ATRNL1: variants seen among roughly 807,000 people sequenced by gnomAD.
ATRNL1 encodes attractin like 1, also known as attractin-like protein 1.
In ATRNL1, 95 loss-of-function variants were observed where a neutral mutation model predicts 182.7. The ratio of observed to expected loss-of-function variants is 0.52; its 90% CI spans 0.44 to 0.62. The LOEUF (loss-of-function observed/expected upper bound fraction) is 0.62. ATRNL1 is among the 20% of genes least tolerant of loss of function. ATRNL1 has a pLI of 0.00. For synonymous variants in ATRNL1, 576 were observed against 568.3 expected (o/e 1.01, Z -0.19); for missense variants, 1,471 against 1,679.5 (o/e 0.88, Z 2.17).
chr10:115,901,371 T>G (rs1952346296), intron 28 of ATRNL1, among the ~76,000 whole-genome samples: 1 of 152,188 alleles, frequency 6.6e-6, no homozygotes, highest in African/African-American at 2.4e-5. Flanking sequence ...AAGTCTATTT[T>G]GATTAAAAAG....
At chr10:115,387,491 G>A (rs1858431421) in intron 19 of ATRNL1, among the ~76,000 whole-genome samples, 1 of 152,130 alleles carries the variant, frequency 6.6e-6, no homozygotes, top group East Asian at 1.9e-4. Context: ...AAATTATTAT[G>A]AAATCCACAA....
At chr10:115,864,511 G>C (rs1555104222) in intron 28 of ATRNL1, among the ~76,000 whole-genome samples, 2 of 152,090 alleles carry the variant, frequency 1.3e-5, no homozygotes, top group Non-Finnish European at 2.9e-5. Flanking sequence ...GATTACAAAG[G>C]GGAAAGCAGT....
chr10:115,675,290 A>C (rs1225559743), intron 26 of ATRNL1, among the ~76,000 whole-genome samples: 1 of 152,098 alleles, frequency 6.6e-6, no homozygotes, highest in Non-Finnish European at 1.5e-5. Flanking sequence ...TGAGCCCAGG[A>C]GTTTAAGGTT....
chr10:115,127,833 G>C, intron 4 of ATRNL1, 112 bp downstream of exon 4: 2 of 722,820 alleles, frequency 2.8e-6, no homozygotes, highest in Non-Finnish European at 4.0e-6. Context: ...AGGCTACCGT[G>C]TTAAATTTCA....
chr10:115,831,112 T>G (rs1211053092), intron 27 of ATRNL1, among the ~76,000 whole-genome samples: 1 of 152,172 alleles, frequency 6.6e-6, no homozygotes, highest in Non-Finnish European at 1.5e-5. Flanking sequence ...TGCTCCCACC[T>G]GCCCTTGTTC....
intron 26 of ATRNL1, among the ~76,000 whole-genome samples, chr10:115,685,347 C>A (rs782267058): frequency 6.6e-6 from 1 of 151,700 alleles, no homozygotes; most frequent in Non-Finnish European, 1.5e-5. Context: ...AGTTATTTAG[C>A]CTCTTTATGA....
chr10:115,898,281 C>T (rs1589663536), intron 28 of ATRNL1, among the ~76,000 whole-genome samples: 1 of 152,306 alleles, frequency 6.6e-6, no homozygotes. Context: ...TGTCTATTCA[C>T]TTCCTTTTCC....
intron 26 of ATRNL1, among the ~76,000 whole-genome samples, chr10:115,590,948 G>A (rs1341872813): frequency 1.3e-5 from 2 of 152,102 alleles, no homozygotes; most frequent in African/African-American, 2.4e-5. Context: ...CTTGGCTCTG[G>A]CCTCTGGCAA....
rs141273771 is a variant in ATRNL1, at chr10:115,463,946, A to G, written c.3417+1911A>G. ...CTGACTCAAAATGTGAGAGTGAATAATATTCCTCCACAGTATTGTCCATAG... is the reference window on the plus strand; with the variant it reads ...CTGACTCAAAATGTGAGAGTGAATAGTATTCCTCCACAGTATTGTCCATAG... On this transcript the variant is annotated intron_variant, in intron 22 of 28. Coordinates refer to ENST00000355044, the MANE Select transcript of ATRNL1 (RefSeq NM_207303.4). 7.4e-3 allele frequency among the ~76,000 whole-genome samples: 1,130 copies of G among 152,174 alleles called. 4 individuals are homozygous for G. The highest frequency in any genetic ancestry group is 0.017 in the Middle Eastern group (5 of 294).
At chr10:115,506,920 A>G (rs1376237737) in intron 24 of ATRNL1, among the ~76,000 whole-genome samples, 2 of 152,108 alleles carry the variant, frequency 1.3e-5, no homozygotes, top group African/African-American at 4.8e-5. Flanking sequence ...TTTATTTGCC[A>G]AGGTTGAGGA....
At chr10:115,613,435 T>A (rs1258476431) in intron 26 of ATRNL1, among the ~76,000 whole-genome samples, 1 of 152,206 alleles carries the variant, frequency 6.6e-6, no homozygotes, top group Non-Finnish European at 1.5e-5. Flanking sequence ...TTGCTAGTAT[T>A]TCTGTTGATT....
rs535409304 is a variant in ATRNL1 at position 115,109,217 on chromosome 10, C to T, written c.294-10968C>T. Among the ~76,000 whole-genome samples the T allele has an allele frequency of 3.0e-4, 46 of 152,196 alleles. No individual in the cohort carries two copies. The South Asian group carries it at 3.5e-3, about 12-fold the overall frequency. On this transcript the variant is annotated intron_variant, in intron 1 of 28. Transcript: ENST00000355044. ...TATTGCTGAGTTTCAAAGTGGCTTC[C>T]CTATTTTCAGATATTTGATAAAGCA...
intron 26 of ATRNL1, among the ~76,000 whole-genome samples, chr10:115,648,227 C>T (rs964434465): frequency 5.9e-5 from 9 of 152,062 alleles, no homozygotes; most frequent in Non-Finnish European, 1.2e-4. Context: ...GAATAAAATA[C>T]CTAGGAATCC....
intron 25 of ATRNL1, among the ~76,000 whole-genome samples, chr10:115,544,176 AC>A (rs1852517081): frequency 6.6e-6 from 1 of 152,124 alleles, no homozygotes; most frequent in Non-Finnish European, 1.5e-5. Context: ...GTTCAATGAT[AC>A]CCATTAAACC....
chr10:115,930,477 T>C (rs545534211), intron 28 of ATRNL1, among the ~76,000 whole-genome samples: 124 of 152,280 alleles, frequency 8.1e-4, no homozygotes, highest in African/African-American at 2.8e-3. Flanking sequence ...AACAGTTCAG[T>C]CCAACAGCCA....
chr10:115,683,365 T>A (rs1046352419), intron 26 of ATRNL1, among the ~76,000 whole-genome samples: 5 of 151,952 alleles, frequency 3.3e-5, no homozygotes, highest in Non-Finnish European at 4.4e-5. Context: ...CAGTATTGAA[T>A]TTATTGCCAC....
intron 24 of ATRNL1, among the ~76,000 whole-genome samples, chr10:115,473,214 C>A (rs1477622967): frequency 6.6e-6 from 1 of 151,082 alleles, no homozygotes; most frequent in Non-Finnish European, 1.5e-5. Flanking sequence ...TTTTATGATA[C>A]TTATAATGTG....
chr10:115,587,277 T>C (rs1855582485), intron 26 of ATRNL1, among the ~76,000 whole-genome samples: 1 of 152,150 alleles, frequency 6.6e-6, no homozygotes, highest in South Asian at 2.1e-4. Flanking sequence ...TGTGGTGGGC[T>C]CCACCCAGTT....
intron 26 of ATRNL1, among the ~76,000 whole-genome samples, chr10:115,620,702 TA>T (rs1288344946): frequency 6.6e-6 from 1 of 152,248 alleles, no homozygotes; most frequent in Non-Finnish European, 1.5e-5. Flanking sequence ...TCTCATTTAT[TA>T]AAACCAATCT....
Sources: allele counts gnomAD v4.1 joint callset (sites outside exome capture counted in the v4.1 genomes callset), GRCh38; gene constraint gnomAD v4.1.1; transcripts MANE v1.5; gene names NCBI Gene and HGNC (gene_info 2026-07-23, HGNC 2026-07-21).